The following CNTNAP2 variants were observed in gnomAD, a reference collection of about 807,000 sequenced individuals.
CNTNAP2 encodes contactin associated protein 2.
Under a neutral mutation model 155.2 loss-of-function variants are expected in CNTNAP2, and 98 were observed. The observed-to-expected ratio is 0.63, with a 90% CI of 0.54 to 0.75. CNTNAP2 has a LOEUF of 0.75. Ranked by LOEUF, CNTNAP2 falls within the 30% of genes least tolerant of loss-of-function variation. The pLI, the probability that CNTNAP2 is intolerant of heterozygous loss-of-function variation, is 0.00. For missense variants in CNTNAP2, 1,727 were observed against 1,688.1 expected (o/e 1.02, Z -0.40); for synonymous variants, 651 against 631.2 (o/e 1.03, Z -0.47).
rs141282403 is a variant in CNTNAP2, at chr7:147,248,242, C to T, written c.1349-51899C>T. Among the ~76,000 whole-genome samples the T allele has an allele frequency of 2.8e-3, 428 of 152,298 alleles. 1 individual carries two copies. The highest frequency in any genetic ancestry group is 9.9e-3 in the African/African-American group (411 of 41,558). ...TACAAAATTTGGCACAGGTCCCCGT[C>T]TATTGCTACTTTTCTGTCAACAGAG... On this transcript the variant is annotated intron_variant, in intron 8 of 23. Transcript: ENST00000361727.
intron 15 of CNTNAP2, among the ~76,000 whole-genome samples, chr7:148,074,009 C>T (rs140184781): frequency 0.012 from 1,832 of 152,262 alleles, 38 homozygotes; most frequent in African/African-American, 0.041. Context: ...TGACGGTATA[C>T]ATAGGGTCCA....
chr7:148,149,124 C>G (rs547303507), intron 17 of CNTNAP2, among the ~76,000 whole-genome samples: 1 of 152,296 alleles, frequency 6.6e-6, no homozygotes, highest in South Asian at 2.1e-4. Flanking sequence ...TTCATCATAA[C>G]AGGTGACCCT....
chr7:146,419,605 G>A (rs1158999524), intron 1 of CNTNAP2, among the ~76,000 whole-genome samples: 1 of 151,976 alleles, frequency 6.6e-6, no homozygotes, highest in East Asian at 1.9e-4. Flanking sequence ...TAGTAAATGG[G>A]CAAGAGTTGA....
chr7:148,384,137 G>A (rs1328082448), intron 22 of CNTNAP2, among the ~76,000 whole-genome samples: 1 of 152,216 alleles, frequency 6.6e-6, no homozygotes, highest in Non-Finnish European at 1.5e-5. Flanking sequence ...TAGGTTAAAT[G>A]ATGACTTGCC....
At chr7:146,676,748 C>G (rs1800405226) in intron 1 of CNTNAP2, among the ~76,000 whole-genome samples, 1 of 152,056 alleles carries the variant, frequency 6.6e-6, no homozygotes, top group Admixed American at 6.6e-5. Flanking sequence ...AGAATGAGAG[C>G]CAAGCAAAAG....
chr7:147,372,936 CCTTT>C (rs1796371824), intron 9 of CNTNAP2, among the ~76,000 whole-genome samples: 1 of 152,008 alleles, frequency 6.6e-6, no homozygotes, highest in Non-Finnish European at 1.5e-5. Context: ...CTCTGTCTCC[CCTTT>C]CTTTTTATGC....
At chr7:146,720,375 A>G (rs62481396) in intron 1 of CNTNAP2, among the ~76,000 whole-genome samples, 3,913 of 152,216 alleles carry the variant, frequency 0.026, 75 homozygotes, top group South Asian at 0.041. Context: ...AGACCCTGGT[A>G]GCCTCCCTAG....
Position 147,785,086 on chromosome 7 carries a change from G to A in CNTNAP2, c.2099-118479G>A, listed in dbSNP as rs142713884. 5.1e-4 allele frequency among the ~76,000 whole-genome samples: 77 copies of A among 152,244 alleles called. 1 individual carries two copies. The East Asian group carries it at 5.8e-3, about 11-fold the overall frequency. On this transcript the variant is annotated intron_variant, in intron 13 of 23. Coordinates refer to ENST00000361727, the MANE Select transcript of CNTNAP2 (RefSeq NM_014141.6). ...GAGACTCCAGTGCACATAGCAAGTAGGCAATTGTATGCTTCCATCTGGAGC... is the reference window on the plus strand; with the variant it reads ...GAGACTCCAGTGCACATAGCAAGTAAGCAATTGTATGCTTCCATCTGGAGC...
intron 9 of CNTNAP2, among the ~76,000 whole-genome samples, chr7:147,325,654 AAT>A (rs1205634002): frequency 1.3e-5 from 2 of 152,248 alleles, no homozygotes; most frequent in Non-Finnish European, 2.9e-5. Context: ...AGTGGGAAAA[AAT>A]ATGTTAGTCA....
chr7:148,049,239 T>C (rs559797835), intron 15 of CNTNAP2, among the ~76,000 whole-genome samples: 79 of 152,200 alleles, frequency 5.2e-4, no homozygotes, highest in African/African-American at 1.8e-3. Context: ...AATAAGTGGC[T>C]AAGTCAGTAG....
intron 15 of CNTNAP2, among the ~76,000 whole-genome samples, chr7:148,000,555 A>T (rs1034771875): frequency 1.3e-5 from 2 of 152,188 alleles, no homozygotes; most frequent in Non-Finnish European, 2.9e-5. Flanking sequence ...CAAGTGACAC[A>T]GTGAATGACA....
intron 15 of CNTNAP2, among the ~76,000 whole-genome samples, chr7:148,042,690 G>A (rs919923297): frequency 2.0e-5 from 3 of 152,148 alleles, no homozygotes; most frequent in Non-Finnish European, 2.9e-5. Context: ...CACGATCCAT[G>A]CCTGGCCCAG....
chr7:146,831,249 G>A (rs1338290181), intron 2 of CNTNAP2, among the ~76,000 whole-genome samples: 2 of 151,844 alleles, frequency 1.3e-5, no homozygotes, highest in South Asian at 2.1e-4. Context: ...AAAATTTATG[G>A]TTTTTATGGT....
intron 9 of CNTNAP2, among the ~76,000 whole-genome samples, chr7:147,306,364 A>G (rs1795026601): frequency 1.3e-5 from 2 of 152,218 alleles, no homozygotes; most frequent in South Asian, 2.1e-4. Context: ...AACAAAAAGT[A>G]TCGTGCATAG....
At chr7:148,262,739 C>G (rs1796586694) in intron 20 of CNTNAP2, among the ~76,000 whole-genome samples, 1 of 152,150 alleles carries the variant, frequency 6.6e-6, no homozygotes, top group South Asian at 2.1e-4. Context: ...AGGAAGGTGA[C>G]GCGCTCTCAG....
At chr7:146,492,560 T>G (rs700278) in intron 1 of CNTNAP2, among the ~76,000 whole-genome samples, 76,564 of 151,968 alleles carry the variant, frequency 0.5, 19,603 homozygotes, top group Admixed American at 0.61. Context: ...GGCAGAATTC[T>G]AAAAGCAACT....
At chr7:146,711,642 A>AT (rs1417607352) in intron 1 of CNTNAP2, among the ~76,000 whole-genome samples, 1 of 149,030 alleles carries the variant, frequency 6.7e-6, no homozygotes, top group Non-Finnish European at 1.5e-5. Flanking sequence ...ACTGGAAGTC[A>AT]TTTTGAGGTT....
chr7:147,129,778 G>T (rs555782908), intron 7 of CNTNAP2, among the ~76,000 whole-genome samples: 1 of 152,114 alleles, frequency 6.6e-6, no homozygotes, highest in East Asian at 1.9e-4. Context: ...TGAATAAACA[G>T]TTCAGGTTGA....
intron 1 of CNTNAP2, among the ~76,000 whole-genome samples, chr7:146,375,503 G>A (rs142417109): frequency 6.5e-4 from 99 of 152,294 alleles, no homozygotes; most frequent in African/African-American, 2.2e-3. Context: ...AGGCTGGATT[G>A]AATCCTAGCC....
Sources: allele counts gnomAD v4.1 joint callset (sites outside exome capture counted in the v4.1 genomes callset), GRCh38; gene constraint gnomAD v4.1.1; transcripts MANE v1.5; gene names NCBI Gene and HGNC (gene_info 2026-07-23, HGNC 2026-07-21).